The following TMEM161B variants were observed in gnomAD, a reference collection of about 807,000 sequenced individuals.
TMEM161B encodes transmembrane protein 161B.
In TMEM161B, 34 loss-of-function variants were observed where a neutral mutation model predicts 61.8. That is an observed-to-expected ratio of 0.55 (90% CI 0.42 to 0.73). The LOEUF is 0.73. Among genes scored for constraint, TMEM161B ranks in the 30% least tolerant of loss-of-function variants. The pLI, the probability that TMEM161B is intolerant of heterozygous loss-of-function variation, is 0.00. For synonymous variants in TMEM161B, 167 were observed against 192.8 expected (o/e 0.87, Z 1.11); for missense variants, 456 against 558.5 (o/e 0.82, Z 1.85).
chr5:88,194,900 T>G (rs963836233), downstream of TMEM161B: 11 of 153,040 alleles, frequency 7.2e-5, no homozygotes, highest in Middle Eastern at 3.4e-3. Context: ...ACCCTTCATT[T>G]TGAACTTTAG....
rs1491531101 is a variant in TMEM161B, at chr5:88,206,507, GGA to G, written c.599-10_599-9del. The G allele has an allele frequency of 6.0e-4, 747 of 1,242,304 alleles. 7 individuals carry two copies. The highest frequency in any genetic ancestry group is 1.5e-3 in the South Asian group (96 of 63,224). 77.0% of individuals were successfully genotyped at this position (1,242,304 alleles called of 1,614,324 possible). A position where few individuals can be genotyped will look rare whatever the true frequency, so the allele number is the denominator to read the frequency against. On this transcript the variant is annotated splice_polypyrimidine_tract_variant and intron_variant, in intron 6 of 11. Transcript: ENST00000296595. ...CTGAAAAATTTGTAAACCCTGTGGG[GGA>G]AAAAAAAAAAAACAACAGATTACTC... is the stretch of plus-strand genomic sequence containing the variant.
chr5:88,193,929 A>G (rs528203979), downstream of TMEM161B, among the ~76,000 whole-genome samples: 94 of 152,296 alleles, frequency 6.2e-4, 1 homozygote, highest in South Asian at 0.018. Flanking sequence ...ATGAAGCGTC[A>G]TTAGGATATA....
chr5:88,220,829 T>C, intron 4 of TMEM161B, 110 bp from the exon 5 acceptor site: 1 of 1,318,820 alleles, frequency 7.6e-7, no homozygotes, highest in Non-Finnish European at 9.9e-7. Context: ...ACGCTAGACT[T>C]TATTTGTTCA....
At chr5:88,196,591 G>A in intron 11 of TMEM161B, 103 bp from the exon 12 acceptor site, 1 of 1,128,308 alleles carries the variant, frequency 8.9e-7, no homozygotes, top group South Asian at 1.7e-5. Context: ...TATGTTTAGT[G>A]GCACAGTACA....
intron 2 of TMEM161B, 61 bp downstream of exon 2, chr5:88,240,752 A>C: frequency 8.1e-7 from 1 of 1,239,526 alleles, no homozygotes; most frequent in Non-Finnish European, 1.2e-6. Flanking sequence ...CTAGGAATTT[A>C]ATCAGTTTGG....
chr5:88,230,016 A>G (rs1052038647), intron 2 of TMEM161B, among the ~76,000 whole-genome samples: 8 of 151,992 alleles, frequency 5.3e-5, no homozygotes, highest in African/African-American at 1.9e-4. Context: ...ACACAGTGAG[A>G]CCGTATCTCT....
chr5:88,207,688 A>G (rs1745787351), intron 5 of TMEM161B, among the ~76,000 whole-genome samples: 1 of 152,196 alleles, frequency 6.6e-6, no homozygotes, highest in African/African-American at 2.4e-5. Flanking sequence ...CAAAAACAGC[A>G]AAAGTTTCAA....
At chr5:88,239,214 A>AGAT (rs919500909) in intron 2 of TMEM161B, among the ~76,000 whole-genome samples, 3 of 152,052 alleles carry the variant, frequency 2.0e-5, no homozygotes, top group Non-Finnish European at 4.4e-5. Context: ...TTATAGAAAT[A>AGAT]GATGGAAAAC....
chr5:88,189,736 T>C, exon 13 of TMEM161B: 1 of 216,586 alleles, frequency 4.6e-6, no homozygotes, highest in Non-Finnish European at 9.2e-6. Context: ...CCCCACAATA[T>C]GGGAGGGGGC....
In TMEM161B at chr5:88,268,671, C is replaced by T. The variant is rs370566779; in HGVS notation, c.3+50G>A. ...GCTCTTTTCACAGTACTGACCTCCC[C>T]GCCCTTTTCGCCCCACCGTTGTCAC... On this transcript the variant is annotated intron_variant, in intron 1 of 11. Transcript: ENST00000296595. The T allele has an allele frequency of 1.7e-4, 267 of 1,613,636 alleles. 2 individuals carry two copies. In the South Asian group the frequency reaches 2.8e-3, roughly 17 times the overall value.
rs2112318049 is a variant in TMEM161B, at chr5:88,196,258, T to C, written c.1417A>G (p.Thr473Ala). 1.9e-6 allele frequency: 3 copies of C among 1,612,946 alleles called. No homozygotes were observed. Among genetic ancestry groups the C allele is most frequent in the Non-Finnish European group, 2.5e-6 (3 of 1,179,354 alleles). ...TWWIAACLFS[T>A]SLFGLFYHQY... ...TGATAGAAAAGCCCAAAAAGGCTTG[T>C]AGAAAAGAGGCAAGCAGCAATCCAC... The change falls in exon 12 of 12, where the codon ACA (threonine) becomes GCA (alanine). Residue 473 changes from threonine (T) to alanine (A), a missense_variant. Thr to Ala is a moderately conservative substitution (Grantham distance 58). Transcript: ENST00000296595.
At position 88,203,809 on chromosome 5, in the gene TMEM161B, ATATAT is replaced by A. The variant is rs1561312859; in HGVS notation, c.801-739_801-735del. 4.2e-3 allele frequency among the ~76,000 whole-genome samples: 301 copies of A among 70,888 alleles called. 23 individuals carry two copies. Among genetic ancestry groups the A allele is most frequent in the Middle Eastern group, 8.1e-3 (1 of 124 alleles). 46.5% of individuals were successfully genotyped at this position (70,888 alleles called of 152,430 possible). A position where few individuals can be genotyped will look rare whatever the true frequency, so the allele number is the denominator to read the frequency against. ...TATATATATATATATATATATATAT[ATATAT>A]AATTTGCATTACTCCTGACAAGGCA... On this transcript the variant is annotated intron_variant, in intron 8 of 11. Transcript: ENST00000296595.
At position 88,262,921 on chromosome 5, in the gene TMEM161B, T is replaced by G. The variant is rs959831826; in HGVS notation, c.3+5800A>C. On this transcript the variant is annotated intron_variant, in intron 1 of 11. Transcript: ENST00000296595. ...CTCTTTAAAAAGTCTGCAAAAAAATTTTAATGCAACACAAAAATAAAATCT... is the reference window on the plus strand; with the variant it reads ...CTCTTTAAAAAGTCTGCAAAAAAATGTTAATGCAACACAAAAATAAAATCT... Among the ~76,000 whole-genome samples the G allele has an allele frequency of 2.0e-5, 3 of 152,090 alleles. No homozygotes were observed. The South Asian group carries it at 6.2e-4, about 32-fold the overall frequency.
intron 11 of TMEM161B, among the ~76,000 whole-genome samples, 172 bp downstream of exon 11, chr5:88,197,497 A>G (rs1485838439): frequency 6.6e-6 from 1 of 152,154 alleles, no homozygotes; most frequent in Non-Finnish European, 1.5e-5. Flanking sequence ...CTGAGTTTTC[A>G]AAATGAAGAT....
chr5:88,265,255 AGTC>A (rs1756232304), intron 1 of TMEM161B, among the ~76,000 whole-genome samples: 1 of 152,172 alleles, frequency 6.6e-6, no homozygotes, highest in Non-Finnish European at 1.5e-5. Context: ...ACTCAGTTGA[AGTC>A]ACCTACTACA....
In TMEM161B at chr5:88,199,085, A is replaced by G. The variant is rs1462425079; in HGVS notation, c.980T>C (p.Leu327Ser). 1 of 1,612,992 alleles carries G rather than the reference A, an allele frequency of 6.2e-7. No individual in the cohort carries two copies. Among genetic ancestry groups the G allele is most frequent in the African/African-American group, 1.3e-5 (1 of 74,852 alleles). ...WLIILLCALRLAMMRSHLQAY... is the reference protein window; with the variant it reads ...WLIILLCALRSAMMRSHLQAY... ...TTGCAGGTGACTACGCATCATGGCC[A>G]ACCGCAAAGCACACAGCAGGATTAT... The change falls in exon 10 of 12, where the codon TTG becomes TCG. Residue 327 changes from leucine to serine, a missense_variant. Transcript: ENST00000296595.
In TMEM161B at chr5:88,240,827, T is replaced by C. The variant is rs766364798; in HGVS notation, c.93A>G (p.Leu31=). Residue 31 remains leucine (L), a synonymous_variant, in exon 2 of 12, where the codon CTA becomes CTG. Coordinates refer to ENST00000296595, the MANE Select transcript of TMEM161B (RefSeq NM_153354.5). ...CCTTGCCTTACCTGCCATTACAGAG[T>C]AGCCATCGAGCAAGAGAATAGTGAG... ...IIPHYSLARW[L]LCNGSLRWYQ... is the part of the protein sequence containing the mutation. 39 of 1,611,070 alleles carry C rather than the reference T, an allele frequency of 2.4e-5. No homozygotes were observed. Among genetic ancestry groups the C allele is most frequent in the Non-Finnish European group, 4.2e-6 (5 of 1,178,052 alleles).
intron 1 of TMEM161B, among the ~76,000 whole-genome samples, chr5:88,261,085 G>A (rs1307389475): frequency 6.6e-6 from 1 of 152,132 alleles, no homozygotes; most frequent in African/African-American, 2.4e-5. Context: ...CAAGGTTGCA[G>A]GATACAAAGT....
Position 88,226,413 on chromosome 5 carries a change from T to G in TMEM161B, c.192-547A>C, listed in dbSNP as rs142209360. On this transcript the variant is annotated intron_variant, in intron 3 of 11. Coordinates refer to ENST00000296595, the MANE Select transcript of TMEM161B (RefSeq NM_153354.5). Reference sequence around the variant, plus strand: ...CCGGTGTATCTGTATGATTCCCAAATTTAATTTTTAAAGACAAACATATAG... The same window carrying G: ...CCGGTGTATCTGTATGATTCCCAAAGTTAATTTTTAAAGACAAACATATAG... Among the ~76,000 whole-genome samples, 202 of 152,324 alleles carry G rather than the reference T, an allele frequency of 1.3e-3. No individual in the cohort carries two copies. In the South Asian group the frequency reaches 0.016, roughly 12 times the overall value.
Sources: gnomAD v4.1 joint callset for allele counts (sites outside exome capture counted in the v4.1 genomes callset) on GRCh38, gnomAD v4.1.1 for gene constraint, MANE v1.5 for transcripts, NCBI Gene and HGNC (gene_info 2026-07-23, HGNC 2026-07-21) for gene names.